The following EIF4G3 variants were observed in gnomAD, a reference collection of about 807,000 sequenced individuals.
EIF4G3 encodes eukaryotic translation initiation factor 4 gamma 3.
EIF4G3 carries 34 observed loss-of-function variants against 186.4 expected under a neutral mutation model. That is an observed-to-expected ratio of 0.18 (90% CI 0.14 to 0.24). The LOEUF (loss-of-function observed/expected upper bound fraction) is 0.24, where lower values mean the gene tolerates loss of function less well. Ranked by LOEUF, EIF4G3 falls within the 10% of genes least tolerant of loss-of-function variation. The probability of loss-of-function intolerance (pLI) is 1.00; values close to 1 mark genes in which losing one functional copy is unlikely to be tolerated. For missense variants in EIF4G3, 1,536 were observed against 1,948.5 expected, an observed-to-expected ratio of 0.79 and a Z score of 3.99; for synonymous variants, 673 against 679.5, an observed-to-expected ratio of 0.99 and a Z score of 0.15.
At chr1:20,854,911 G>A in intron 26 of EIF4G3, 67 bp downstream of exon 26, 1 of 1,309,814 alleles carries the variant, frequency 7.6e-7, no homozygotes, top group Non-Finnish European at 1.1e-6. Flanking sequence ...CGATGACTAT[G>A]GGAATGCGCT....
At chr1:21,131,969 C>T (rs2097161434) in intron 2 of EIF4G3, among the ~76,000 whole-genome samples, 1 of 145,086 alleles carries the variant, frequency 6.9e-6, no homozygotes, top group Non-Finnish European at 1.5e-5. Context: ...GACACTGTCT[C>T]AAAAAAAAAA....
At position 21,109,758 on chromosome 1, in the gene EIF4G3, T is replaced by C. The variant is rs138224329; in HGVS notation, c.-271-20545A>G. On this transcript the variant is annotated intron_variant, in intron 2 of 36. Coordinates refer to ENST00000602326, the MANE Select transcript of EIF4G3 (RefSeq NM_001391906.1). The stretch of plus-strand genomic sequence containing the variant: ...GGACTAACACAACACTGAAATGAAG[T>C]GTATGGCCCATTTCAACAGAGACTG... Among the ~76,000 whole-genome samples, 774 of 152,172 alleles carry C rather than the reference T, an allele frequency of 5.1e-3. 7 individuals are homozygous for C. The highest frequency in any genetic ancestry group is 0.018 in the African/African-American group (743 of 41,526).
At chr1:20,850,267 A>G in intron 28 of EIF4G3, among the ~76,000 whole-genome samples, 1 of 152,184 alleles carries the variant, frequency 6.6e-6, no homozygotes, top group Middle Eastern at 3.2e-3. Context: ...AAAAACACAT[A>G]GGGCAGCTGT....
chr1:21,068,400 A>C (rs947744101), intron 3 of EIF4G3, among the ~76,000 whole-genome samples: 5 of 140,660 alleles, frequency 3.6e-5, no homozygotes, highest in African/African-American at 1.0e-4. Context: ...AAAAAAAAAA[A>C]CAGAATACTT....
At chr1:21,121,527 C>A (rs2096924285) in intron 2 of EIF4G3, among the ~76,000 whole-genome samples, 1 of 152,114 alleles carries the variant, frequency 6.6e-6, no homozygotes, top group Non-Finnish European at 1.5e-5. Flanking sequence ...ATAATCCCAG[C>A]ACTTTGGGAG....
At chr1:21,064,080 T>C (rs1308996093) in intron 3 of EIF4G3, among the ~76,000 whole-genome samples, 1 of 152,122 alleles carries the variant, frequency 6.6e-6, no homozygotes, top group African/African-American at 2.4e-5. Flanking sequence ...ACATTAATTT[T>C]ATAGTGAGCA....
chr1:21,044,527 A>C (rs1024035816), intron 4 of EIF4G3, among the ~76,000 whole-genome samples: 2 of 152,108 alleles, frequency 1.3e-5, no homozygotes, highest in Non-Finnish European at 2.9e-5. Context: ...CCTCTACTTT[A>C]TCATGGTTAA....
intron 14 of EIF4G3, among the ~76,000 whole-genome samples, chr1:20,916,134 C>CA (rs1179138510): frequency 2.0e-5 from 3 of 151,800 alleles, no homozygotes; most frequent in Non-Finnish European, 2.9e-5. Flanking sequence ...ACAAAAGATA[C>CA]AAAAAACCTA....
intron 29 of EIF4G3, among the ~76,000 whole-genome samples, chr1:20,846,543 A>C (rs1358760385): frequency 7.2e-5 from 11 of 152,160 alleles, no homozygotes; most frequent in Non-Finnish European, 2.9e-5. Flanking sequence ...TGGCACTGAA[A>C]ACATTTTTTT....
intron 3 of EIF4G3, among the ~76,000 whole-genome samples, chr1:21,083,992 C>A (rs2095875064): frequency 6.6e-6 from 1 of 152,102 alleles, no homozygotes; most frequent in African/African-American, 2.4e-5. Context: ...ACATATTCTA[C>A]TGACTTTACT....
chr1:20,877,077 G>C (rs1032632531), intron 20 of EIF4G3, among the ~76,000 whole-genome samples: 11 of 152,122 alleles, frequency 7.2e-5, no homozygotes, highest in African/African-American at 2.4e-4. Context: ...AATCCAATTT[G>C]TACTTATTGC....
intron 7 of EIF4G3, among the ~76,000 whole-genome samples, chr1:20,984,443 A>T (rs919467111): frequency 6.6e-6 from 1 of 150,708 alleles, no homozygotes; most frequent in African/African-American, 2.4e-5. Context: ...TGGGATTACA[A>T]ACATGAGCCA....
chr1:21,095,238 G>C (rs1379683320), intron 2 of EIF4G3, among the ~76,000 whole-genome samples: 1 of 152,098 alleles, frequency 6.6e-6, no homozygotes, highest in African/African-American at 2.4e-5. Context: ...AAAAGAATAA[G>C]TTTTCCAAGC....
chr1:21,126,431 G>A (rs919255087), intron 2 of EIF4G3, among the ~76,000 whole-genome samples: 2 of 151,948 alleles, frequency 1.3e-5, no homozygotes, highest in African/African-American at 2.4e-5. Context: ...TTGGGAGGCC[G>A]AGGTAGGTTG....
intron 34 of EIF4G3, among the ~76,000 whole-genome samples, chr1:20,814,358 T>C (rs770736458): frequency 1.3e-4 from 20 of 152,202 alleles, no homozygotes; most frequent in Non-Finnish European, 2.4e-4. Flanking sequence ...TGTGCAAATA[T>C]TTGAATTAGC....
At chr1:21,103,636 T>G (rs71647188) in intron 2 of EIF4G3, among the ~76,000 whole-genome samples, 4,172 of 152,146 alleles carry the variant, frequency 0.027, 87 homozygotes, top group Non-Finnish European at 0.038. Flanking sequence ...CTGAGGCCAG[T>G]AGTTCAAGAC....
At chr1:21,072,446 A>C (rs976913037) in intron 3 of EIF4G3, among the ~76,000 whole-genome samples, 5 of 152,034 alleles carry the variant, frequency 3.3e-5, no homozygotes, top group Admixed American at 1.3e-4. Flanking sequence ...CTCTGTCGCC[A>C]AGGCTGGAGT....
At chr1:21,005,496 C>T (rs546509147) in intron 4 of EIF4G3, among the ~76,000 whole-genome samples, 1 of 152,236 alleles carries the variant, frequency 6.6e-6, no homozygotes, top group Non-Finnish European at 1.5e-5. Flanking sequence ...ACTTTGTTCT[C>T]TCATAGCTGT....
intron 2 of EIF4G3, among the ~76,000 whole-genome samples, chr1:21,117,736 T>TAAAAAAAAAAAAAAAAAAA (rs71014156): frequency 0.039 from 2,804 of 72,776 alleles, 83 homozygotes; most frequent in Non-Finnish European, 0.052. Context: ...CAGTATATAG[T>TAAAAAAAAAAAAAAAAAAA]AAAAAAAAAA....
Sources: gnomAD v4.1 joint callset for allele counts (sites outside exome capture counted in the v4.1 genomes callset) on GRCh38, gnomAD v4.1.1 for gene constraint, MANE v1.5 for transcripts, NCBI Gene and HGNC (gene_info 2026-07-23, HGNC 2026-07-21) for gene names.